ATP10B: variants seen among roughly 807,000 people sequenced by gnomAD.
ATP10B encodes the protein ATPase phospholipid transporting 10B (putative), also known as phospholipid-transporting ATPase VB.
Under a neutral mutation model 141.2 loss-of-function variants are expected in ATP10B, and 122 were observed. That is an observed-to-expected ratio of 0.86 (90% confidence interval 0.75 to 1.00). ATP10B has a LOEUF of 1.00. ATP10B is among the 50% of genes least tolerant of loss of function. ATP10B has a pLI of 0.00. For synonymous variants in ATP10B, 685 were observed against 692.0 expected, an observed-to-expected ratio of 0.99 and a Z score of 0.16; for missense variants, 1,876 against 1,825.3, an observed-to-expected ratio of 1.03 and a Z score of -0.51.
At position 160,687,837 on chromosome 5, in the gene ATP10B, T is replaced by A. The variant is rs1251596262; in HGVS notation, c.238A>T (p.Thr80Ser). 6.2e-7 allele frequency: 1 copy of A among 1,614,050 alleles called. No homozygotes were observed. The highest frequency in any genetic ancestry group is 1.7e-5 in the Admixed American group (1 of 60,006). Residue 80 changes from threonine to serine, a missense_variant, in exon 5 of 26, where the codon ACC becomes TCC. Transcript: ENST00000327245. ...RTCTTKYTLF[T>S]FLPRNLFEQF... ...TCAAAGAGATTCCGGGGCAGGAAGG[T>A]GAAGAGGGTGTATTTGGTTGTGCAG...
intron 1 of ATP10B, among the ~76,000 whole-genome samples, chr5:160,789,296 A>G (rs1267420747): frequency 2.6e-5 from 4 of 151,816 alleles, no homozygotes; most frequent in African/African-American, 7.2e-5. Flanking sequence ...GTTCTAAGAA[A>G]TGCATCATTA....
At chr5:160,697,944 A>AT (rs1032695041) in intron 3 of ATP10B, among the ~76,000 whole-genome samples, 21 of 152,222 alleles carry the variant, frequency 1.4e-4, no homozygotes, top group Admixed American at 3.9e-4. Flanking sequence ...AAAGATGAAT[A>AT]TTTTTTTAAC....
At chr5:160,897,905 A>G in the ATP10B span, among the ~76,000 whole-genome samples, 1 of 152,202 alleles carries the variant, frequency 6.6e-6, no homozygotes, top group Non-Finnish European at 1.5e-5. Context: ...CAACTATCTG[A>G]TCTTTGACAA....
chr5:160,907,915 G>A, the ATP10B span, among the ~76,000 whole-genome samples: 9 of 152,304 alleles, frequency 5.9e-5, no homozygotes, highest in South Asian at 1.9e-3. Context: ...AAAAGCTGGT[G>A]CGCCTCCTCC....
At chr5:160,611,070 C>T (rs578184706) in intron 18 of ATP10B, among the ~76,000 whole-genome samples, 2 of 152,256 alleles carry the variant, frequency 1.3e-5, no homozygotes, top group African/African-American at 4.8e-5. Flanking sequence ...CAGTTTCTGG[C>T]TTAACATATT....
the ATP10B span, among the ~76,000 whole-genome samples, chr5:160,885,256 G>C: frequency 5.6e-3 from 850 of 152,326 alleles, 9 homozygotes; most frequent in African/African-American, 0.019. Flanking sequence ...CAGCTCTCCT[G>C]TTTTAATAAG....
intron 17 of ATP10B, 106 bp downstream of exon 17, chr5:160,615,732 G>A: frequency 7.1e-7 from 1 of 1,408,814 alleles, no homozygotes; most frequent in East Asian, 2.3e-5. Context: ...CCCCAGGGAA[G>A]GCTGCTAATG....
the ATP10B span, among the ~76,000 whole-genome samples, chr5:160,883,200 T>C: frequency 6.6e-6 from 1 of 152,208 alleles, no homozygotes; most frequent in Admixed American, 6.5e-5. Flanking sequence ...ATCACTTGCA[T>C]ATAAAGGCAA....
At chr5:160,649,923 G>C (rs979183051) in intron 7 of ATP10B, among the ~76,000 whole-genome samples, 4 of 151,400 alleles carry the variant, frequency 2.6e-5, no homozygotes, top group African/African-American at 7.3e-5. Context: ...ATCGAGACCA[G>C]CCTGGTGAAA....
the ATP10B span, among the ~76,000 whole-genome samples, chr5:160,868,176 G>A: frequency 5.9e-3 from 902 of 152,196 alleles, 12 homozygotes; most frequent in African/African-American, 0.02. Flanking sequence ...CCAGACTACC[G>A]TCATATATGA....
intron 1 of ATP10B, among the ~76,000 whole-genome samples, chr5:160,804,889 AC>A (rs967186723): frequency 1.3e-5 from 2 of 151,958 alleles, no homozygotes; most frequent in Non-Finnish European, 2.9e-5. Flanking sequence ...GGTTTCAGTA[AC>A]CCCCCACCAC....
intron 7 of ATP10B, among the ~76,000 whole-genome samples, chr5:160,660,949 G>T (rs1328629071): frequency 1.3e-5 from 2 of 152,218 alleles, no homozygotes; most frequent in African/African-American, 4.8e-5. Context: ...CAGTTTGGGA[G>T]GCTGAGGTGG....
In ATP10B at chr5:160,649,375, C is replaced by T. The variant is rs969818146; in HGVS notation, c.676-119G>A. On this transcript the variant is annotated intron_variant, in intron 7 of 25. Transcript: ENST00000327245. Reference sequence around the variant, plus strand: ...AAATAAGGTAATCCATGCTTTGTCACACTTTGATAGTTGTAATGTGTCAGA... The same window carrying T: ...AAATAAGGTAATCCATGCTTTGTCATACTTTGATAGTTGTAATGTGTCAGA... 4.6e-5 allele frequency: 33 copies of T among 713,700 alleles called. No individual in the cohort carries two copies. The Admixed American group carries it at 6.3e-4, about 14-fold the overall frequency. 44.2% of individuals were successfully genotyped at this position (713,700 alleles called of 1,614,324 possible).
At chr5:160,846,922 A>T (rs1007961779) in intron 1 of ATP10B, among the ~76,000 whole-genome samples, 1 of 152,226 alleles carries the variant, frequency 6.6e-6, no homozygotes, top group East Asian at 1.9e-4. Flanking sequence ...TCAGAGATTT[A>T]TTGAGGCTTA....
the ATP10B span, among the ~76,000 whole-genome samples, chr5:160,909,114 G>A: frequency 6.6e-6 from 1 of 152,172 alleles, no homozygotes; most frequent in Non-Finnish European, 1.5e-5. Flanking sequence ...ACAAAGAAAG[G>A]CAATTGCAAT....
At chr5:160,697,410 C>T (rs1384679165) in intron 3 of ATP10B, among the ~76,000 whole-genome samples, 1 of 152,144 alleles carries the variant, frequency 6.6e-6, no homozygotes, top group Non-Finnish European at 1.5e-5. Context: ...CAGCTACAGG[C>T]ATCTACATAT....
chr5:160,851,535 A>G (rs977456131), intron 1 of ATP10B, among the ~76,000 whole-genome samples: 7 of 152,310 alleles, frequency 4.6e-5, no homozygotes, highest in African/African-American at 1.7e-4. Context: ...GAAATTGGGA[A>G]GCCATGTAAT....
chr5:160,883,322 T>A, the ATP10B span, among the ~76,000 whole-genome samples: 7 of 152,128 alleles, frequency 4.6e-5, no homozygotes, highest in Non-Finnish European at 8.8e-5. Flanking sequence ...GTTACAAAAA[T>A]TATAGCAAAA....
intron 13 of ATP10B, among the ~76,000 whole-genome samples, chr5:160,628,169 G>A (rs758045866): frequency 6.6e-6 from 1 of 152,258 alleles, no homozygotes; most frequent in East Asian, 1.9e-4. Flanking sequence ...GGATTGTTAG[G>A]GGAAGCTTTT....
Sources: gnomAD v4.1 joint callset for allele counts (sites outside exome capture counted in the v4.1 genomes callset) on GRCh38, gnomAD v4.1.1 for gene constraint, MANE v1.5 for transcripts, NCBI Gene and HGNC (gene_info 2026-07-23, HGNC 2026-07-21) for gene names.